PSD3: variants seen among roughly 807,000 people sequenced by gnomAD.
PSD3 encodes PH and SEC7 domain-containing protein 3.
A neutral mutation model predicts 105.5 loss-of-function variants in PSD3; 49 were observed. The observed-to-expected ratio is 0.46, with a 90% confidence interval of 0.37 to 0.59. The LOEUF (loss-of-function observed/expected upper bound fraction) is 0.59, where lower values mean the gene tolerates loss of function less well. PSD3 is among the 20% of genes least tolerant of loss of function. The pLI, the probability that PSD3 is intolerant of heterozygous loss-of-function variation, is 0.00. For missense variants in PSD3, 1,561 were observed against 1,263.8 expected, an observed-to-expected ratio of 1.24 and a Z score of -3.57; for synonymous variants, 557 against 457.8, an observed-to-expected ratio of 1.22 and a Z score of -2.77.
intron 1 of PSD3, among the ~76,000 whole-genome samples, chr8:18,950,098 T>A (rs12543327): frequency 0.39 from 59,519 of 151,934 alleles, 11,845 homozygotes; most frequent in Non-Finnish European, 0.41. Flanking sequence ...AAACTATAGC[T>A]TTGTCACGAT....
intron 1 of PSD3, among the ~76,000 whole-genome samples, chr8:19,047,457 C>G (rs967647442): frequency 6.6e-6 from 1 of 152,140 alleles, no homozygotes; most frequent in African/African-American, 2.4e-5. Flanking sequence ...ATAAATGTCA[C>G]TCTCTTCCTG....
chr8:18,689,267 A>G (rs949705140), intron 9 of PSD3, among the ~76,000 whole-genome samples: 2 of 152,164 alleles, frequency 1.3e-5, no homozygotes, highest in African/African-American at 4.8e-5. Context: ...AGAACAAGAA[A>G]TTCTGTTGCC....
At chr8:18,974,866 G>A (rs776399157) in intron 1 of PSD3, among the ~76,000 whole-genome samples, 1 of 152,024 alleles carries the variant, frequency 6.6e-6, no homozygotes, top group African/African-American at 2.4e-5. Context: ...TTCACTGGAG[G>A]AAAGGGTGGA....
intron 15 of PSD3, among the ~76,000 whole-genome samples, chr8:18,555,803 A>G (rs1801032248): frequency 6.6e-6 from 1 of 152,210 alleles, no homozygotes; most frequent in African/African-American, 2.4e-5. Context: ...ATGTGCAGGG[A>G]AAAGCTGATG....
intron 14 of PSD3, among the ~76,000 whole-genome samples, chr8:18,558,585 G>A (rs1801214395): frequency 6.6e-6 from 1 of 152,194 alleles, no homozygotes; most frequent in Non-Finnish European, 1.5e-5. Flanking sequence ...CACTTTGGGA[G>A]GCTGAGGCAG....
intron 11 of PSD3, among the ~76,000 whole-genome samples, chr8:18,614,156 T>C (rs1332095066): frequency 2.0e-5 from 3 of 152,336 alleles, no homozygotes; most frequent in Non-Finnish European, 4.4e-5. Context: ...CTCTGCAACA[T>C]AGGACGTGTA....
chr8:18,861,418 C>T (rs1046395626), intron 4 of PSD3, among the ~76,000 whole-genome samples: 3 of 152,138 alleles, frequency 2.0e-5, no homozygotes, highest in Non-Finnish European at 2.9e-5. Flanking sequence ...GCAAGTCTTA[C>T]ATCTAAAAGG....
intron 1 of PSD3, among the ~76,000 whole-genome samples, chr8:19,003,723 C>T (rs1163355802): frequency 6.6e-6 from 1 of 151,272 alleles, no homozygotes; most frequent in Non-Finnish European, 1.5e-5. Context: ...ATTTTTATGA[C>T]ACATCTCTAC....
intron 9 of PSD3, among the ~76,000 whole-genome samples, chr8:18,716,437 T>C (rs1337816851): frequency 6.6e-6 from 1 of 152,082 alleles, no homozygotes; most frequent in African/African-American, 2.4e-5. Flanking sequence ...GAGGAGCCAA[T>C]GAAAGGAAGT....
At position 18,832,663 on chromosome 8, in the gene PSD3, G is replaced by A. The variant is rs143567843; in HGVS notation, c.1635-27765C>T. On this transcript the variant is annotated intron_variant, in intron 4 of 15. Coordinates refer to ENST00000327040, the MANE Select transcript of PSD3 (RefSeq NM_015310.4). ...CTAATAAAGACACACCCAAGACTGG[G>A]CAATTTATAAAGGAAAGCCGTTTAG... is the stretch of plus-strand genomic sequence containing the variant. Among the ~76,000 whole-genome samples the A allele has an allele frequency of 5.1e-3, 770 of 152,292 alleles. 4 individuals are homozygous for A. Among genetic ancestry groups the A allele is most frequent in the Non-Finnish European group, 8.0e-3 (543 of 68,040 alleles).
chr8:18,611,408 T>C (rs1805255342), intron 11 of PSD3, among the ~76,000 whole-genome samples: 1 of 152,186 alleles, frequency 6.6e-6, no homozygotes, highest in African/African-American at 2.4e-5. Flanking sequence ...GAACAACAGT[T>C]AAAACACATA....
chr8:18,587,969 G>T (rs1220388659), intron 12 of PSD3, among the ~76,000 whole-genome samples: 1 of 152,174 alleles, frequency 6.6e-6, no homozygotes, highest in Non-Finnish European at 1.5e-5. Flanking sequence ...GGATTAACCA[G>T]CAGTGGGACA....
chr8:18,799,990 ATAG>A (rs1165231158), intron 7 of PSD3, among the ~76,000 whole-genome samples: 2 of 152,202 alleles, frequency 1.3e-5, no homozygotes, highest in Non-Finnish European at 2.9e-5. Context: ...GTTCTTTAGT[ATAG>A]TAGGTGATTT....
At chr8:19,015,802 T>A (rs2114492), upstream of PSD3, among the ~76,000 whole-genome samples, 1,367 of 152,314 alleles carry the variant, frequency 9.0e-3, 22 homozygotes, top group African/African-American at 0.031. Flanking sequence ...TAGTGAATGT[T>A]CAATAGAGGA....
At chr8:18,867,518 C>A (rs1213194461) in intron 4 of PSD3, among the ~76,000 whole-genome samples, 156 bp downstream of exon 4, 2 of 152,150 alleles carry the variant, frequency 1.3e-5, no homozygotes, top group East Asian at 3.8e-4. Flanking sequence ...TGTGTCTTTC[C>A]TGCCCTAAAA....
At chr8:18,549,963 G>T (rs952990992) in intron 15 of PSD3, among the ~76,000 whole-genome samples, 1 of 152,226 alleles carries the variant, frequency 6.6e-6, no homozygotes, top group African/African-American at 2.4e-5. Flanking sequence ...CTGAGGTTCA[G>T]AAAGGATAAG....
At chr8:18,808,755 C>T in intron 4 of PSD3, 1 of 1,613,976 alleles carries the variant, frequency 6.2e-7, no homozygotes, top group Non-Finnish European at 8.5e-7. Flanking sequence ...ATAAACTTAC[C>T]AGCAACCATA....
chr8:18,686,323 C>T (rs1054202625), intron 9 of PSD3, among the ~76,000 whole-genome samples: 19 of 152,284 alleles, frequency 1.2e-4, no homozygotes, highest in African/African-American at 3.6e-4. Flanking sequence ...CTGATGAGGA[C>T]GCTATCACAG....
intron 11 of PSD3, among the ~76,000 whole-genome samples, chr8:18,621,374 C>T (rs1039484403): frequency 1.2e-4 from 18 of 152,184 alleles, no homozygotes; most frequent in African/African-American, 4.3e-4. Context: ...TGCCACTGCA[C>T]TCCAGCCTGG....
Sources: allele counts gnomAD v4.1 joint callset (sites outside exome capture counted in the v4.1 genomes callset), GRCh38; gene constraint gnomAD v4.1.1; transcripts MANE v1.5; gene names NCBI Gene and HGNC (gene_info 2026-07-23, HGNC 2026-07-21).